Variants in KIAA0825 observed in about 807,000 individuals in gnomAD.
The protein encoded by KIAA0825 is KIAA0825, also known as uncharacterized protein KIAA0825.
In KIAA0825, 119 loss-of-function variants were observed where a neutral mutation model predicts 147.6. The observed-to-expected ratio is 0.81, with a 90% CI of 0.69 to 0.94. The LOEUF is 0.94. KIAA0825 is among the 40% of genes least tolerant of loss of function. The probability of loss-of-function intolerance (pLI) is 0.00; values close to 1 mark genes in which losing one functional copy is unlikely to be tolerated. For missense variants in KIAA0825, 1,381 were observed against 1,472.7 expected (o/e 0.94, Z 1.02); for synonymous variants, 470 against 518.1 (o/e 0.91, Z 1.26).
chr5:94,477,547 T>A (rs983498776), intron 6 of KIAA0825, among the ~76,000 whole-genome samples: 1 of 152,086 alleles, frequency 6.6e-6, no homozygotes, highest in Non-Finnish European at 1.5e-5. Flanking sequence ...AGGTTGATAA[T>A]GTAAGAGGAC....
At chr5:94,374,513 C>G (rs769573400) in intron 20 of KIAA0825, among the ~76,000 whole-genome samples, 3 of 152,210 alleles carry the variant, frequency 2.0e-5, no homozygotes, top group Non-Finnish European at 4.4e-5. Context: ...GCATAGTTGA[C>G]TAATGGCCCC....
rs546186465 is a variant in KIAA0825 at position 94,513,592 on chromosome 5, G to C, written c.970+6656C>G. On this transcript the variant is annotated intron_variant, in intron 5 of 20. Transcript: ENST00000682413. The stretch of plus-strand genomic sequence containing the variant: ...ATACTTTCCATTTTTGTGCCCTTCT[G>C]TCTTTAGAACAATGATTCAGATGCC... 2.7e-4 allele frequency among the ~76,000 whole-genome samples: 41 copies of C among 152,104 alleles called. 1 individual carries two copies. In the South Asian group the frequency reaches 4.4e-3, roughly 16 times the overall value.
chr5:94,152,847 AAAAAAAAATTATATATAT>A lies in KIAA0825; in HGVS notation c.*1142_*1159del, dbSNP rs1562284009. On this transcript the variant is annotated 3_prime_UTR_variant, in exon 21 of 21. Coordinates refer to ENST00000682413, the MANE Select transcript of KIAA0825 (RefSeq NM_001145678.3). ...AAAAAAAAAAAAAAAAAAAAAAAAA[AAAAAAAAATTATATATAT>A]ATATATATATATATATATATATATA... 35 of 30,150 alleles carry A rather than the reference AAAAAAAAATTATATATAT, an allele frequency of 1.2e-3. 2 individuals carry two copies. Among genetic ancestry groups the A allele is most frequent in the Non-Finnish European group, 1.4e-3 (21 of 14,764 alleles). 1.9% of individuals were successfully genotyped at this position (30,150 alleles called of 1,614,324 possible).
intron 3 of KIAA0825, among the ~76,000 whole-genome samples, chr5:94,536,271 T>A (rs1771997278): frequency 1.3e-5 from 2 of 152,354 alleles, no homozygotes; most frequent in African/African-American, 4.8e-5. Context: ...TCTTTGGAAA[T>A]TCAAGGTAAC....
intron 20 of KIAA0825, among the ~76,000 whole-genome samples, chr5:94,200,767 A>C (rs568310522): frequency 1.3e-5 from 2 of 151,840 alleles, no homozygotes; most frequent in Admixed American, 6.6e-5. Context: ...TTCACAAAGA[A>C]AGACAACTCC....
chr5:94,461,689 A>G (rs1759858636), intron 12 of KIAA0825, among the ~76,000 whole-genome samples: 1 of 151,946 alleles, frequency 6.6e-6, no homozygotes, highest in African/African-American at 2.4e-5. Context: ...AATGTTATGC[A>G]AAGAAACACT....
chr5:94,551,502 T>A (rs1317932916), intron 2 of KIAA0825, among the ~76,000 whole-genome samples: 1 of 151,960 alleles, frequency 6.6e-6, no homozygotes, highest in African/African-American at 2.4e-5. Flanking sequence ...CAATCCCCAA[T>A]GGACTAAGAG....
intron 1 of KIAA0825, chr5:94,594,824 G>T: frequency 2.3e-6 from 1 of 439,246 alleles, no homozygotes; most frequent in Admixed American, 3.3e-5. Context: ...GTGTTATCAT[G>T]TGTCACATTT....
chr5:94,536,625 T>A (rs1772079264), intron 3 of KIAA0825, among the ~76,000 whole-genome samples: 1 of 152,188 alleles, frequency 6.6e-6, no homozygotes, highest in African/African-American at 2.4e-5. Context: ...TGACCAATAT[T>A]ATGCAAAAAT....
chr5:94,537,706 A>G (rs1772365192), intron 2 of KIAA0825, among the ~76,000 whole-genome samples: 1 of 152,066 alleles, frequency 6.6e-6, no homozygotes, highest in African/African-American at 2.4e-5. Flanking sequence ...AGACTACTTA[A>G]GCATCCTGCA....
At chr5:94,528,953 T>C (rs1428773467) in intron 3 of KIAA0825, among the ~76,000 whole-genome samples, 1 of 151,692 alleles carries the variant, frequency 6.6e-6, no homozygotes, top group Non-Finnish European at 1.5e-5. Flanking sequence ...TGATTCTCTT[T>C]TTGGAGAAAG....
intron 20 of KIAA0825, among the ~76,000 whole-genome samples, chr5:94,258,853 T>G (rs535704745): frequency 3.4e-4 from 52 of 152,148 alleles, no homozygotes; most frequent in African/African-American, 1.2e-3. Flanking sequence ...ACAGAATGGT[T>G]GTTATTGCAT....
intron 10 of KIAA0825, among the ~76,000 whole-genome samples, chr5:94,468,620 A>G (rs1355674268): frequency 6.6e-6 from 1 of 152,184 alleles, no homozygotes; most frequent in Admixed American, 6.5e-5. Context: ...CCTCTAAAGG[A>G]GAGATGAAAT....
At chr5:94,158,660 T>C (rs1767265676) in intron 20 of KIAA0825, among the ~76,000 whole-genome samples, 1 of 152,202 alleles carries the variant, frequency 6.6e-6, no homozygotes, top group African/African-American at 2.4e-5. Flanking sequence ...AGTTTTAGTC[T>C]TTCACTGTTT....
intron 13 of KIAA0825, among the ~76,000 whole-genome samples, chr5:94,448,626 T>C (rs1758017477): frequency 1.3e-5 from 2 of 152,168 alleles, no homozygotes; most frequent in African/African-American, 2.4e-5. Flanking sequence ...CTCTCGGCCT[T>C]CCCTTTTACC....
intron 2 of KIAA0825, among the ~76,000 whole-genome samples, chr5:94,571,118 T>TC (rs1779894316): frequency 6.6e-6 from 1 of 152,216 alleles, no homozygotes; most frequent in Admixed American, 6.5e-5. Flanking sequence ...AGTATAGTTT[T>TC]CCCCACAGGT....
At chr5:94,387,392 G>C (rs1289674072) in intron 18 of KIAA0825, among the ~76,000 whole-genome samples, 1 of 152,070 alleles carries the variant, frequency 6.6e-6, no homozygotes, top group African/African-American at 2.4e-5. Flanking sequence ...ATCAGAACCT[G>C]CCTGTTAATG....
intron 20 of KIAA0825, among the ~76,000 whole-genome samples, chr5:94,239,482 C>T (rs1233451908): frequency 6.6e-6 from 1 of 152,100 alleles, no homozygotes; most frequent in Non-Finnish European, 1.5e-5. Flanking sequence ...TCTAAATAGC[C>T]CTGTGTAAAG....
At chr5:94,494,314 CTTTTTTTTTTT>C (rs530332272) in intron 5 of KIAA0825, among the ~76,000 whole-genome samples, 37 of 111,866 alleles carry the variant, frequency 3.3e-4, no homozygotes, top group African/African-American at 1.2e-3. Flanking sequence ...ATATTCAATC[CTTTTTTTTTTT>C]TTTTTTTTTT....
Sources: allele counts gnomAD v4.1 joint callset (sites outside exome capture counted in the v4.1 genomes callset), GRCh38; gene constraint gnomAD v4.1.1; transcripts MANE v1.5; gene names NCBI Gene and HGNC (gene_info 2026-07-23, HGNC 2026-07-21).